Variants in CAMK2A observed in about 807,000 individuals in gnomAD.
CAMK2A encodes calcium/calmodulin-dependent protein kinase type II subunit alpha.
A neutral mutation model predicts 79.2 loss-of-function variants in CAMK2A; 7 were observed. The ratio of observed to expected loss-of-function variants is 0.09; its 90% CI spans 0.05 to 0.17. The LOEUF is 0.17. Among genes scored for constraint, CAMK2A ranks in the 10% least tolerant of loss-of-function variants. CAMK2A has a pLI of 1.00. For synonymous variants in CAMK2A, 242 were observed against 251.7 expected, an observed-to-expected ratio of 0.96 and a Z score of 0.36; for missense variants, 214 against 646.4, an observed-to-expected ratio of 0.33 and a Z score of 7.25.
chr5:150,248,923 C>T (rs1755705086), intron 11 of CAMK2A, among the ~76,000 whole-genome samples: 1 of 152,172 alleles, frequency 6.6e-6, no homozygotes, highest in South Asian at 2.1e-4. Flanking sequence ...TGTTCCAGAG[C>T]CATCTGATTC....
chr5:150,242,729 C>A (rs765453371), intron 13 of CAMK2A, among the ~76,000 whole-genome samples: 1 of 152,310 alleles, frequency 6.6e-6, no homozygotes, highest in East Asian at 1.9e-4. Context: ...TCTTGACTTG[C>A]GATCCAGTTT....
chr5:150,228,866 A>G (rs1357617068), intron 16 of CAMK2A, among the ~76,000 whole-genome samples: 1 of 152,220 alleles, frequency 6.6e-6, no homozygotes, highest in African/African-American at 2.4e-5. Flanking sequence ...GTAAGATGAG[A>G]AAAATAGCAT....
At chr5:150,247,711 G>A in intron 12 of CAMK2A, 61 bp downstream of exon 12, 1 of 1,394,228 alleles carries the variant, frequency 7.2e-7, no homozygotes, top group Non-Finnish European at 1.0e-6. Flanking sequence ...TATCTGACAG[G>A]ACGGTGCCCC....
intron 2 of CAMK2A, among the ~76,000 whole-genome samples, chr5:150,270,440 G>A (rs561255582): frequency 6.6e-6 from 1 of 152,166 alleles, no homozygotes; most frequent in Admixed American, 6.5e-5. Context: ...TTTGGGAACC[G>A]CTTGCTAGAA....
At chr5:150,268,088 C>G (rs1214443243) in intron 2 of CAMK2A, among the ~76,000 whole-genome samples, 1 of 152,160 alleles carries the variant, frequency 6.6e-6, no homozygotes, top group East Asian at 1.9e-4. Context: ...CTGGCCTGGT[C>G]AGGCTGGTCT....
intron 12 of CAMK2A, among the ~76,000 whole-genome samples, chr5:150,246,977 G>A (rs1229941898): frequency 6.6e-6 from 1 of 152,202 alleles, no homozygotes; most frequent in Non-Finnish European, 1.5e-5. Context: ...CCTGCCAGCG[G>A]CCTGCGCTCC....
intron 3 of CAMK2A, among the ~76,000 whole-genome samples, chr5:150,259,463 A>T (rs959519417): frequency 3.9e-5 from 6 of 152,274 alleles, no homozygotes; most frequent in African/African-American, 1.4e-4. Context: ...CGGAGGGTGC[A>T]GTGAGCCAAG....
At chr5:150,249,625 G>A (rs1302565872) in intron 11 of CAMK2A, among the ~76,000 whole-genome samples, 1 of 151,088 alleles carries the variant, frequency 6.6e-6, no homozygotes, top group Non-Finnish European at 1.5e-5. Context: ...CTCACTCACT[G>A]CAACCTCCGC....
chr5:150,286,161 G>A (rs374532239), intron 1 of CAMK2A, among the ~76,000 whole-genome samples: 28 of 152,346 alleles, frequency 1.8e-4, no homozygotes, highest in African/African-American at 4.8e-4. Flanking sequence ...TCATCCTCAG[G>A]AGAGAAGAGG....
rs1184939229 is a variant in CAMK2A at position 150,223,405 on chromosome 5, A to G, written c.1238-188T>C. Among the ~76,000 whole-genome samples, 4 of 152,238 alleles carry G rather than the reference A, an allele frequency of 2.6e-5. No individual in the cohort carries two copies. The highest frequency in any genetic ancestry group is 2.1e-4 in the South Asian group (1 of 4,832). ...GGTAGAACTTCTAGATGATGGGGAC[A>G]TCACATCCTAGTTTAGATACAGTGG... On this transcript the variant is annotated intron_variant, in intron 17 of 18. Coordinates refer to ENST00000671881, the MANE Select transcript of CAMK2A (RefSeq NM_015981.4). The surrounding 1 kb of genome is among the most constrained non-coding windows in gnomAD (Gnocchi z 4.1).
intron 13 of CAMK2A, among the ~76,000 whole-genome samples, chr5:150,241,088 G>A (rs1401705140): frequency 6.6e-6 from 1 of 152,216 alleles, no homozygotes; most frequent in East Asian, 1.9e-4. Flanking sequence ...GAAGGAGGCT[G>A]AGCTACAAAG....
chr5:150,285,507 G>T (rs1757388240), intron 1 of CAMK2A, among the ~76,000 whole-genome samples: 1 of 152,144 alleles, frequency 6.6e-6, no homozygotes, highest in African/African-American at 2.4e-5. Flanking sequence ...TAGAGTTTGG[G>T]TCCCATGAGA....
At chr5:150,289,797 C>T (rs1188473341), upstream of CAMK2A, 2 of 548,060 alleles carry the variant, frequency 3.6e-6, no homozygotes, top group Non-Finnish European at 6.5e-6. Flanking sequence ...TGGCTGCTCA[C>T]AGCCTCGCGA....
chr5:150,272,920 T>C, intron 2 of CAMK2A, 145 bp downstream of exon 2: 1 of 638,182 alleles, frequency 1.6e-6, no homozygotes, highest in Non-Finnish European at 2.8e-6. Flanking sequence ...TCTATTCTCA[T>C]GACACCCCGG....
intron 1 of CAMK2A, among the ~76,000 whole-genome samples, chr5:150,288,057 A>G (rs1380237331): frequency 6.6e-6 from 1 of 151,498 alleles, no homozygotes; most frequent in African/African-American, 2.4e-5. Context: ...ACATGCCTAT[A>G]ACACCCATAC....
chr5:150,241,553 C>T (rs373904861), intron 13 of CAMK2A, among the ~76,000 whole-genome samples: 1 of 135,172 alleles, frequency 7.4e-6, no homozygotes, highest in Admixed American at 7.3e-5. Context: ...CTCCTCTTCC[C>T]TCTCCTCTCC....
At chr5:150,246,830 T>G (rs1356930263) in intron 12 of CAMK2A, among the ~76,000 whole-genome samples, 1 of 152,242 alleles carries the variant, frequency 6.6e-6, no homozygotes, top group Non-Finnish European at 1.5e-5. Context: ...TGCAGCCAGC[T>G]GCCCCCTTCT....
intron 1 of CAMK2A, among the ~76,000 whole-genome samples, chr5:150,287,897 A>G (rs183673076): frequency 1.7e-4 from 26 of 151,426 alleles, no homozygotes; most frequent in Admixed American, 1.1e-3. Flanking sequence ...ATGGGGGTAT[A>G]TGTGCTCAAG....
In CAMK2A at chr5:150,238,678, G is replaced by A. The variant is rs535223578; in HGVS notation, c.1066+22C>T. On this transcript the variant is annotated intron_variant, in intron 15 of 18. Coordinates refer to ENST00000671881, the MANE Select transcript of CAMK2A (RefSeq NM_015981.4). ...TGGTTCCAGAAGTCTAAGGGGTCCC[G>A]ACACTGAAGGCCCCTCCCTACCTTT... is the stretch of plus-strand genomic sequence containing the variant. The A allele has an allele frequency of 3.3e-5, 53 of 1,594,490 alleles. No homozygotes were observed. The South Asian group carries it at 3.5e-4, about 11-fold the overall frequency.
Sources: allele counts gnomAD v4.1 joint callset (sites outside exome capture counted in the v4.1 genomes callset), GRCh38; gene constraint gnomAD v4.1.1; non-coding constraint Gnocchi (gnomAD v3.1); transcripts MANE v1.5; gene names NCBI Gene and HGNC (gene_info 2026-07-23, HGNC 2026-07-21).